The following ATOSA variants were observed in gnomAD, a reference collection of about 807,000 sequenced individuals.
ATOSA encodes atos homolog protein A.
At chr15:52,624,827 G>C in the ATOSA span, among the ~76,000 whole-genome samples, 1 of 151,026 alleles carries the variant, frequency 6.6e-6, no homozygotes, top group East Asian at 1.9e-4. Context: ...ACCCAGGCTG[G>C]AGTGTGGTGG....
chr15:52,593,943 C>T, the ATOSA span, among the ~76,000 whole-genome samples: 55 of 152,344 alleles, frequency 3.6e-4, no homozygotes, highest in African/African-American at 1.2e-3. Flanking sequence ...AACTGCATCT[C>T]CCATCAGTCT....
At chr15:52,666,589 C>T in the ATOSA span, among the ~76,000 whole-genome samples, 4 of 152,192 alleles carry the variant, frequency 2.6e-5, no homozygotes, top group African/African-American at 9.6e-5. Flanking sequence ...ACTAAACTAA[C>T]AAATCTCAGA....
the ATOSA span, among the ~76,000 whole-genome samples, chr15:52,662,060 T>G: frequency 2.0e-5 from 3 of 151,882 alleles, no homozygotes; most frequent in Non-Finnish European, 2.9e-5. Context: ...GTCAAAGAGG[T>G]TGGTGATTAT....
At chr15:52,597,098 T>A in the ATOSA span, among the ~76,000 whole-genome samples, 1 of 152,210 alleles carries the variant, frequency 6.6e-6, no homozygotes, top group African/African-American at 2.4e-5. Context: ...AATGGTATAA[T>A]CACTTTGGAA....
chr15:52,620,427 C>A, the ATOSA span, among the ~76,000 whole-genome samples: 2 of 152,192 alleles, frequency 1.3e-5, no homozygotes, highest in Non-Finnish European at 2.9e-5. Context: ...ACTCATTATA[C>A]ACACACATTT....
At chr15:52,697,060 A>G in the ATOSA span, among the ~76,000 whole-genome samples, 1 of 152,170 alleles carries the variant, frequency 6.6e-6, no homozygotes, top group African/African-American at 2.4e-5. Context: ...AAGTTCTAAC[A>G]ATGCTGACAA....
At chr15:52,660,642 A>T in the ATOSA span, among the ~76,000 whole-genome samples, 1 of 152,164 alleles carries the variant, frequency 6.6e-6, no homozygotes, top group Admixed American at 6.5e-5. Context: ...TTTATTCAGA[A>T]TCAAATACTA....
chr15:52,647,367 T>C, the ATOSA span, among the ~76,000 whole-genome samples: 30 of 152,324 alleles, frequency 2.0e-4, no homozygotes, highest in South Asian at 1.4e-3. Context: ...CTGTGGTCAG[T>C]TGAAAGAAGC....
chr15:52,630,778 A>G, the ATOSA span, among the ~76,000 whole-genome samples: 1 of 152,220 alleles, frequency 6.6e-6, no homozygotes, highest in Non-Finnish European at 1.5e-5. Context: ...TGGAAAAAAC[A>G]AGTGTTTATC....
At chr15:52,642,434 C>T in the ATOSA span, among the ~76,000 whole-genome samples, 5 of 152,158 alleles carry the variant, frequency 3.3e-5, no homozygotes, top group Admixed American at 1.3e-4. Flanking sequence ...ATGGCCCCTT[C>T]CAATTCCAAT....
chr15:52,582,972 T>A, the ATOSA span, among the ~76,000 whole-genome samples: 1 of 152,252 alleles, frequency 6.6e-6, no homozygotes, highest in Admixed American at 6.5e-5. Flanking sequence ...CCTGTAGTGC[T>A]AATTTCTCTT....
the ATOSA span, among the ~76,000 whole-genome samples, chr15:52,601,529 GAA>G: frequency 3.7e-4 from 42 of 112,870 alleles, no homozygotes; most frequent in East Asian, 6.7e-4. Flanking sequence ...ACTTAAAAAG[GAA>G]AAAAAAAAAA....
the ATOSA span, chr15:52,601,013 A>G: frequency 2.3e-6 from 2 of 883,822 alleles, no homozygotes; most frequent in Non-Finnish European, 3.6e-6. Context: ...TAGAATCAAC[A>G]TTATTTATTG....
chr15:52,586,164 C>T, the ATOSA span: 2 of 152,216 alleles, frequency 1.3e-5, no homozygotes, highest in East Asian at 3.8e-4. Context: ...AGAACACTGT[C>T]ACTCCTTTAC....
chr15:52,645,803 C>T, the ATOSA span, among the ~76,000 whole-genome samples: 1 of 152,128 alleles, frequency 6.6e-6, no homozygotes, highest in Non-Finnish European at 1.5e-5. Flanking sequence ...GTTATCACTC[C>T]ACACCTCATA....
chr15:52,683,645 C>A, the ATOSA span, among the ~76,000 whole-genome samples: 5 of 152,172 alleles, frequency 3.3e-5, no homozygotes, highest in African/African-American at 1.2e-4. Flanking sequence ...AATACAACAT[C>A]CCTATGAAAT....
At chr15:52,666,717 G>C in the ATOSA span, among the ~76,000 whole-genome samples, 7 of 152,150 alleles carry the variant, frequency 4.6e-5, no homozygotes, top group Non-Finnish European at 1.5e-5. Context: ...CTAAATGCCA[G>C]GTACCTGTCT....
the ATOSA span, among the ~76,000 whole-genome samples, chr15:52,588,211 TC>T: frequency 3.3e-5 from 5 of 152,176 alleles, no homozygotes; most frequent in Non-Finnish European, 5.9e-5. Context: ...TTAACAAGAT[TC>T]TCCAGATTAT....
chr15:52,690,306 T>G, the ATOSA span, among the ~76,000 whole-genome samples: 2 of 152,226 alleles, frequency 1.3e-5, no homozygotes, highest in Non-Finnish European at 2.9e-5. Flanking sequence ...CAGCCTAGAT[T>G]GTGCTATGGT....
Sources: gnomAD v4.1 joint callset for allele counts (sites outside exome capture counted in the v4.1 genomes callset) on GRCh38, gnomAD v4.1.1 for gene constraint, MANE v1.5 for transcripts, NCBI Gene and HGNC (gene_info 2026-07-23, HGNC 2026-07-21) for gene names.